GRIN2D: variants seen among roughly 807,000 people sequenced by gnomAD.
GRIN2D encodes glutamate ionotropic receptor NMDA type subunit 2D.
Under a neutral mutation model 103.2 loss-of-function variants are expected in GRIN2D, and 37 were observed. The ratio of observed to expected loss-of-function variants is 0.36; its 90% CI spans 0.28 to 0.47. GRIN2D has a LOEUF of 0.47. Among genes scored for constraint, GRIN2D ranks in the 20% least tolerant of loss-of-function variants. The probability of loss-of-function intolerance (pLI) is 1.00; values close to 1 mark genes in which losing one functional copy is unlikely to be tolerated. For missense variants in GRIN2D, 1,557 were observed against 1,910.6 expected (o/e 0.81, Z 3.45); for synonymous variants, 845 against 885.6 (o/e 0.95, Z 0.81).
At chr19:48,419,842 A>G (rs1970996967) in intron 10 of GRIN2D, 28 bp downstream of exon 10, 2 of 1,342,142 alleles carry the variant, frequency 1.5e-6, no homozygotes, top group Non-Finnish European at 1.0e-6. Flanking sequence ...GCTGGGCTGG[A>G]GCTGGGGCTG....
chr19:48,410,908 G>T (rs1970850592), intron 4 of GRIN2D, among the ~76,000 whole-genome samples: 1 of 152,116 alleles, frequency 6.6e-6, no homozygotes, highest in Non-Finnish European at 1.5e-5. Context: ...CTGGGTGGAT[G>T]ACATGAGAGA....
chr19:48,401,498 G>T (rs1970710652), intron 3 of GRIN2D, among the ~76,000 whole-genome samples: 1 of 152,164 alleles, frequency 6.6e-6, no homozygotes, highest in Admixed American at 6.5e-5. Flanking sequence ...GTAGGGAAAA[G>T]TGTCCCCAGG....
At chr19:48,441,382 A>T (rs1799267) in intron 11 of GRIN2D, among the ~76,000 whole-genome samples, 37 of 105,986 alleles carry the variant, frequency 3.5e-4, no homozygotes, top group Non-Finnish European at 6.1e-4. Context: ...AAAAAAAAAA[A>T]AAAGAAAGAA....
At chr19:48,406,950 CT>C (rs760502905) in intron 4 of GRIN2D, among the ~76,000 whole-genome samples, 5 of 151,588 alleles carry the variant, frequency 3.3e-5, no homozygotes, top group African/African-American at 1.2e-4. Flanking sequence ...CTGGTTCTTT[CT>C]TTTTTTCTTT....
At chr19:48,434,572 T>C (rs187459304) in intron 11 of GRIN2D, among the ~76,000 whole-genome samples, 1 of 151,938 alleles carries the variant, frequency 6.6e-6, no homozygotes, top group African/African-American at 2.4e-5. Context: ...TCTTTTCTTT[T>C]CTTTCGAACT....
Position 48,442,529 on chromosome 19 carries a change from G to C in GRIN2D, c.2674-71G>C. The C allele has an allele frequency of 1.4e-6, 2 of 1,479,426 alleles. No individual in the cohort carries two copies. The highest frequency in any genetic ancestry group is 2.7e-5 in the South Asian group (2 of 74,590). 91.6% of individuals were successfully genotyped at this position (1,479,426 alleles called of 1,614,324 possible). A position where few individuals can be genotyped will look rare whatever the true frequency, so the allele number is the denominator to read the frequency against. On this transcript the variant is annotated intron_variant, in intron 13 of 13. Coordinates refer to ENST00000263269, the MANE Select transcript of GRIN2D (RefSeq NM_000836.4). The surrounding 1 kb of genome is among the most constrained non-coding windows in gnomAD (Gnocchi z 7.2). ...CAGGCGGGTAAATGGAGAGGAGAGA[G>C]GGACTGAGGGGAGGCGGGCAGGCGT...
At chr19:48,427,871 T>C (rs1971106629) in intron 11 of GRIN2D, among the ~76,000 whole-genome samples, 1 of 152,150 alleles carries the variant, frequency 6.6e-6, no homozygotes, top group African/African-American at 2.4e-5. Flanking sequence ...TTGCAAAAAA[T>C]TAATCAAATC....
intron 4 of GRIN2D, among the ~76,000 whole-genome samples, chr19:48,409,571 C>T (rs1373392780): frequency 2.0e-5 from 3 of 152,028 alleles, no homozygotes; most frequent in Non-Finnish European, 2.9e-5. Flanking sequence ...GCCACTGCAC[C>T]TGGCCGTAAA....
Position 48,418,701 on chromosome 19 carries a change from C to T in GRIN2D, c.1736-533C>T, listed in dbSNP as rs148593365. Among the ~76,000 whole-genome samples, 507 of 152,074 alleles carry T rather than the reference C, an allele frequency of 3.3e-3. 2 individuals carry two copies. Among genetic ancestry groups the T allele is most frequent in the African/African-American group, 0.011 (444 of 41,446 alleles). ...GGGAGGACGGCAAATGAGGTTTGGG[C>T]CTGTGACTGGGTGGATGGTGGGGCT... On this transcript the variant is annotated intron_variant, in intron 8 of 13. Coordinates refer to ENST00000263269, the MANE Select transcript of GRIN2D (RefSeq NM_000836.4).
rs1210053049 is a variant in GRIN2D at position 48,398,849 on chromosome 19, A to T, written c.457A>T (p.Thr153Ser). 8 of 1,237,658 alleles carry T rather than the reference A, an allele frequency of 6.5e-6. No individual in the cohort carries two copies. Among genetic ancestry groups the T allele is most frequent in the Admixed American group, 8.7e-5 (2 of 22,958 alleles). The allele number at this position is 1,237,658 out of a possible 1,614,324, so 76.7% of individuals were successfully genotyped here. A position where few individuals can be genotyped will look rare whatever the true frequency, so the allele number is the denominator to read the frequency against. The stretch of plus-strand genomic sequence containing the variant: ...GCACGGCGGCGCCGCGCTCGTGCTC[A>T]CGCCCAAGGTGCGCGCGACCGGGGC... ...AVHGGAALVL[T>S]PKEKGSTFLQ... Residue 153 changes from threonine to serine, a missense_variant, in exon 3 of 14, where the codon ACG (threonine) becomes TCG (serine). Physicochemically the swap from Thr to Ser is moderately conservative, Grantham distance 58. This residue lies in a region of GRIN2D where 490 missense variants were observed against 601.1 expected (regional missense o/e 0.82). Transcript: ENST00000263269.
chr19:48,443,412 C>A lies in GRIN2D; in HGVS notation c.3486C>A (p.Arg1162=). ...YWSVDKLGGW[R]AGSWDYLPPR... ...CGGTCGACAAGCTCGGGGGCTGGCGCGCCGGGAGCTGGGACTACCTGCCCC... is the reference window on the plus strand; with the variant it reads ...CGGTCGACAAGCTCGGGGGCTGGCGAGCCGGGAGCTGGGACTACCTGCCCC... Residue 1162 remains arginine (R), a synonymous_variant, in exon 14 of 14, where the codon CGC becomes CGA. Transcript: ENST00000263269. This position sits in a 1 kb window ranked among gnomAD's most constrained non-coding sequence, Gnocchi z 8.9. 2.1e-6 allele frequency: 3 copies of A among 1,406,906 alleles called. No homozygotes were observed. Among genetic ancestry groups the A allele is most frequent in the Non-Finnish European group, 1.8e-6 (2 of 1,083,822 alleles). The allele number at this position is 1,406,906 out of a possible 1,614,324, so 87.2% of individuals were successfully genotyped here. A position where few individuals can be genotyped will look rare whatever the true frequency, so the allele number is the denominator to read the frequency against.
Position 48,404,922 on chromosome 19 carries a change from C to T in GRIN2D, c.654C>T (p.Arg218=), listed in dbSNP as rs1970765738. ...TDGSLVGWEH[R]GALTLDPGAG... Reference sequence around the variant, plus strand: ...GTAGTCTGGTGGGCTGGGAGCACCGCGGAGCGCTGACGCTGGACCCTGGGG... The same window carrying T: ...GTAGTCTGGTGGGCTGGGAGCACCGTGGAGCGCTGACGCTGGACCCTGGGG... The change falls in exon 4 of 14, where the codon CGC becomes CGT. Residue 218 remains arginine, a synonymous_variant. Transcript: ENST00000263269. 1.2e-6 allele frequency: 2 copies of T among 1,613,768 alleles called. No homozygotes were observed. The highest frequency in any genetic ancestry group is 1.1e-5 in the South Asian group (1 of 91,074).
chr19:48,442,823 G>A lies in GRIN2D; in HGVS notation c.2897G>A (p.Gly966Asp). The A allele has an allele frequency of 9.3e-7, 1 of 1,077,930 alleles. No homozygotes were observed. Among genetic ancestry groups the A allele is most frequent in the Non-Finnish European group, 1.1e-6 (1 of 890,842 alleles). The allele number at this position is 1,077,930 out of a possible 1,614,324, so 66.8% of individuals were successfully genotyped here. ...GCCGACGGCTTCCACCGCTACTACG[G>A]CCCCATCGAGCCGCAGGGCCTAGGC... ...GLADGFHRYY[G>D]PIEPQGLGLG... The change falls in exon 14 of 14, where the codon GGC becomes GAC. Residue 966 changes from glycine to aspartate, a missense_variant. This residue lies in a region of GRIN2D where 632 missense variants were observed against 572.8 expected (regional missense o/e 1.10). Transcript: ENST00000263269. The surrounding 1 kb of genome is among the most constrained non-coding windows in gnomAD (Gnocchi z 7.2).
Position 48,415,008 on chromosome 19 carries a change from C to G in GRIN2D, c.1557C>G (p.Gly519=). The G allele has an allele frequency of 6.3e-7, 1 of 1,597,700 alleles. No individual in the cohort carries two copies. The highest frequency in any genetic ancestry group is 8.6e-7 in the Non-Finnish European group (1 of 1,168,906). Residue 519 remains glycine (G), a synonymous_variant, in exon 7 of 14, where the codon GGC becomes GGG. Coordinates refer to ENST00000263269, the MANE Select transcript of GRIN2D (RefSeq NM_000836.4). The part of the protein sequence containing the change: ...TNGKHGKKID[G]VWNGMIGEVF... ...GCAAGCACGGAAAGAAGATCGATGG[C>G]GTCTGGAACGGCATGATCGGGGAGG... is the stretch of plus-strand genomic sequence containing the variant.
intron 3 of GRIN2D, among the ~76,000 whole-genome samples, chr19:48,402,115 G>GAAAGAAA (rs1970717757): frequency 1.1e-5 from 1 of 88,024 alleles, no homozygotes; most frequent in Non-Finnish European, 2.1e-5. Flanking sequence ...AGAAAGAGAA[G>GAAAGAAA]GAAAGAAAGA....
At chr19:48,399,690 T>A (rs1970685403) in intron 3 of GRIN2D, among the ~76,000 whole-genome samples, 1 of 152,156 alleles carries the variant, frequency 6.6e-6, no homozygotes, top group Non-Finnish European at 1.5e-5. Context: ...GTTCGGCCGG[T>A]AGAGCATAGG....
intron 11 of GRIN2D, 61 bp from the exon 12 acceptor site, chr19:48,441,708 G>T: frequency 1.4e-6 from 2 of 1,431,114 alleles, no homozygotes; most frequent in Non-Finnish European, 1.9e-6. Context: ...GGAGGTTCCA[G>T]GCCTGGCGGC....
chr19:48,436,277 G>A (rs1384792565), intron 11 of GRIN2D, among the ~76,000 whole-genome samples: 1 of 152,142 alleles, frequency 6.6e-6, no homozygotes, highest in Admixed American at 6.6e-5. Flanking sequence ...TCAGGTTGGA[G>A]TTGGACTCAC....
chr19:48,400,849 T>A (rs1042897635), intron 3 of GRIN2D, among the ~76,000 whole-genome samples: 1 of 152,106 alleles, frequency 6.6e-6, no homozygotes. Context: ...GCAGATCACC[T>A]GAGGCCAGGA....
Sources: gnomAD v4.1 joint callset for allele counts (sites outside exome capture counted in the v4.1 genomes callset) on GRCh38, gnomAD v4.1.1 for gene constraint, gnomAD v4.1.1 regional missense constraint, Gnocchi (gnomAD v3.1) non-coding constraint, MANE v1.5 for transcripts, NCBI Gene and HGNC (gene_info 2026-07-23, HGNC 2026-07-21) for gene names.